Variants in ARHGEF28 observed in about 807,000 individuals in gnomAD.
ARHGEF28 encodes the protein Rho guanine nucleotide exchange factor 28, also known as 190 kDa guanine nucleotide exchange factor.
In ARHGEF28, 152 loss-of-function variants were observed where a neutral mutation model predicts 206.6. The ratio of observed to expected loss-of-function variants is 0.74; its 90% confidence interval spans 0.64 to 0.84. The LOEUF (loss-of-function observed/expected upper bound fraction) is 0.84, where lower values mean the gene tolerates loss of function less well. ARHGEF28 is among the 40% of genes least tolerant of loss of function. The pLI is 0.00. For missense variants in ARHGEF28, 2,028 were observed against 2,073.2 expected (o/e 0.98, Z 0.42); for synonymous variants, 763 against 776.4 (o/e 0.98, Z 0.29).
intron 10 of ARHGEF28, among the ~76,000 whole-genome samples, 178 bp from the exon 11 acceptor site, chr5:73,840,302 A>G (rs1239459881): frequency 1.3e-5 from 2 of 152,104 alleles, no homozygotes; most frequent in African/African-American, 4.8e-5. Flanking sequence ...TTTAGTAGAG[A>G]TGGGGTTTCA....
At chr5:73,922,482 C>T (rs1477772193) in intron 35 of ARHGEF28, among the ~76,000 whole-genome samples, 1 of 152,198 alleles carries the variant, frequency 6.6e-6, no homozygotes, top group Admixed American at 6.5e-5. Flanking sequence ...CTGGAATCTG[C>T]GTGTTCAGGA....
chr5:73,749,069 A>G (rs541056957), intron 2 of ARHGEF28, among the ~76,000 whole-genome samples: 40 of 152,280 alleles, frequency 2.6e-4, no homozygotes, highest in African/African-American at 9.4e-4. Flanking sequence ...TCTCCTTGGG[A>G]CCAAGGCACT....
intron 9 of ARHGEF28, among the ~76,000 whole-genome samples, chr5:73,815,184 CA>C (rs1039725370): frequency 5.0e-5 from 6 of 118,886 alleles, no homozygotes; most frequent in Admixed American, 5.0e-4. Context: ...TTAAATGATT[CA>C]GGGGGTATAT....
intron 2 of ARHGEF28, among the ~76,000 whole-genome samples, chr5:73,714,697 C>A (rs1357842254): frequency 6.6e-6 from 1 of 152,116 alleles, no homozygotes; most frequent in East Asian, 1.9e-4. Context: ...GTCATATGCA[C>A]AAATCTTAAG....
Position 73,787,722 on chromosome 5 carries a change from A to G in ARHGEF28, c.911-6680A>G, listed in dbSNP as rs185151845. Among the ~76,000 whole-genome samples, 26 of 152,142 alleles carry G rather than the reference A, an allele frequency of 1.7e-4. No homozygotes were observed. The East Asian group carries it at 4.5e-3, about 26-fold the overall frequency. ...AGGACATGAACTCATACTCTTTTTTATGGCTGCATTTTACAGAGCAATTCA... is the reference window on the plus strand; with the variant it reads ...AGGACATGAACTCATACTCTTTTTTGTGGCTGCATTTTACAGAGCAATTCA... On this transcript the variant is annotated intron_variant, in intron 7 of 35. Transcript: ENST00000513042.
At chr5:73,852,313 T>C (rs796900877) in intron 13 of ARHGEF28, among the ~76,000 whole-genome samples, 1 of 152,334 alleles carries the variant, frequency 6.6e-6, no homozygotes, top group African/African-American at 2.4e-5. Context: ...TTATGAAGAA[T>C]AGGGATGACT....
At chr5:73,770,487 A>T (rs1038188876) in intron 4 of ARHGEF28, among the ~76,000 whole-genome samples, 2 of 152,336 alleles carry the variant, frequency 1.3e-5, no homozygotes, top group Admixed American at 1.3e-4. Context: ...TGGTTACATT[A>T]GTTCAAATAA....
chr5:73,875,864 C>G lies in ARHGEF28; in HGVS notation c.2814+2618C>G, dbSNP rs1226012865. ...GCAGTCAGGTAGTGTGATGCCTCCA[C>G]CTTTGTTCTTTTGGCTTAGGATTGA... On this transcript the variant is annotated intron_variant, in intron 22 of 35. Coordinates refer to ENST00000513042, the MANE Select transcript of ARHGEF28 (RefSeq NM_001177693.2). Among the ~76,000 whole-genome samples the G allele has an allele frequency of 1.3e-3, 205 of 152,100 alleles. 1 individual carries two copies. The highest frequency in any genetic ancestry group is 6.9e-3 in the South Asian group (33 of 4,804).
chr5:73,900,185 T>G (rs1348510836), intron 30 of ARHGEF28: 2 of 152,250 alleles, frequency 1.3e-5, no homozygotes, highest in East Asian at 3.8e-4. Flanking sequence ...TAGAGGACTC[T>G]CATTTTCCAA....
intron 1 of ARHGEF28, among the ~76,000 whole-genome samples, chr5:73,661,978 A>G (rs114810380): frequency 0.014 from 2,157 of 152,278 alleles, 50 homozygotes; most frequent in African/African-American, 0.048. Context: ...ACAAACTTTC[A>G]GTTTGTAAGA....
At chr5:73,894,641 T>G (rs1761853125) in intron 29 of ARHGEF28, 66 bp downstream of exon 29, 2 of 1,531,956 alleles carry the variant, frequency 1.3e-6, no homozygotes, top group Admixed American at 3.8e-5. Flanking sequence ...ACCTGCTAAG[T>G]GCCATGCACT....
intron 20 of ARHGEF28, 110 bp downstream of exon 20, chr5:73,868,337 G>T (rs930994957): frequency 2.2e-6 from 3 of 1,342,286 alleles, no homozygotes; most frequent in South Asian, 1.6e-5. Flanking sequence ...TTTCAAAGAA[G>T]TCTGTTTCAG....
intron 7 of ARHGEF28, 100 bp downstream of exon 7, chr5:73,780,845 A>G: frequency 7.9e-7 from 1 of 1,270,662 alleles, no homozygotes; most frequent in Non-Finnish European, 1.1e-6. Flanking sequence ...CCAGGAATCA[A>G]GGGGCTCAGA....
At chr5:73,663,209 G>A (rs1373488177) in intron 1 of ARHGEF28, among the ~76,000 whole-genome samples, 2 of 152,134 alleles carry the variant, frequency 1.3e-5, no homozygotes, top group East Asian at 3.8e-4. Flanking sequence ...GCCCACCTCG[G>A]CCTCCCAAAG....
At chr5:73,935,058 C>T (rs1764342359) in intron 35 of ARHGEF28, among the ~76,000 whole-genome samples, 1 of 152,166 alleles carries the variant, frequency 6.6e-6, no homozygotes, top group African/African-American at 2.4e-5. Context: ...TGTATCATAT[C>T]TCCTGTTAAT....
chr5:73,773,537 T>C (rs992861614), intron 4 of ARHGEF28, among the ~76,000 whole-genome samples: 1 of 152,182 alleles, frequency 6.6e-6, no homozygotes, highest in African/African-American at 2.4e-5. Flanking sequence ...GATGGTCCTT[T>C]CCTAGAACCT....
chr5:73,898,204 A>AT, intron 30 of ARHGEF28, 111 bp downstream of exon 30: 2 of 1,312,622 alleles, frequency 1.5e-6, no homozygotes. Flanking sequence ...GACTTGATAT[A>AT]TTTTTTTAAA....
chr5:73,802,502 T>C (rs1300723464), intron 9 of ARHGEF28, among the ~76,000 whole-genome samples: 1 of 152,176 alleles, frequency 6.6e-6, no homozygotes, highest in East Asian at 1.9e-4. Context: ...TAAATTTTCC[T>C]TCTCCAAAAT....
At chr5:73,647,811 C>G (rs1412524842) in intron 1 of ARHGEF28, among the ~76,000 whole-genome samples, 3 of 152,242 alleles carry the variant, frequency 2.0e-5, no homozygotes, top group Non-Finnish European at 1.5e-5. Flanking sequence ...TAATTACTCT[C>G]TACTCCTACC....
Sources: allele counts gnomAD v4.1 joint callset (sites outside exome capture counted in the v4.1 genomes callset), GRCh38; gene constraint gnomAD v4.1.1; transcripts MANE v1.5; gene names NCBI Gene and HGNC (gene_info 2026-07-23, HGNC 2026-07-21).